The following COLEC12 variants were observed in gnomAD, a reference collection of about 807,000 sequenced individuals.
COLEC12 encodes the protein collectin-12.
A neutral mutation model predicts 71.1 loss-of-function variants in COLEC12; 33 were observed. The observed-to-expected ratio is 0.46, with a 90% confidence interval of 0.35 to 0.62. The LOEUF is 0.62. COLEC12 is among the 20% of genes least tolerant of loss of function. The pLI, the probability that COLEC12 is intolerant of heterozygous loss-of-function variation, is 0.00. For synonymous variants in COLEC12, 350 were observed against 353.0 expected (o/e 0.99, Z 0.10); for missense variants, 765 against 916.1 (o/e 0.84, Z 2.13).
intron 3 of COLEC12, 147 bp downstream of exon 3, chr18:357,253 G>A: frequency 1.4e-6 from 1 of 693,828 alleles, no homozygotes; most frequent in East Asian, 2.9e-5. Context: ...GTAAGTTTAA[G>A]ATACAGAGAT....
At chr18:341,063 A>G (rs1377833424) in intron 5 of COLEC12, among the ~76,000 whole-genome samples, 1 of 152,204 alleles carries the variant, frequency 6.6e-6, no homozygotes, top group Non-Finnish European at 1.5e-5. Context: ...TGCCTGACCC[A>G]CATTGCACTG....
At chr18:413,125 A>G (rs1284643134) in intron 2 of COLEC12, among the ~76,000 whole-genome samples, 1 of 152,240 alleles carries the variant, frequency 6.6e-6, no homozygotes, top group Non-Finnish European at 1.5e-5. Flanking sequence ...CCACACAAAC[A>G]TTAATCAAAG....
intron 2 of COLEC12, among the ~76,000 whole-genome samples, chr18:363,756 C>T (rs1914797436): frequency 6.6e-6 from 1 of 152,182 alleles, no homozygotes. Flanking sequence ...ACCGAAATAA[C>T]TAGCTTTTCC....
intron 2 of COLEC12, among the ~76,000 whole-genome samples, chr18:454,498 A>G (rs941616662): frequency 6.6e-6 from 1 of 152,192 alleles, no homozygotes; most frequent in African/African-American, 2.4e-5. Context: ...CCTGGCCAAC[A>G]TGGTGAAACT....
chr18:396,286 G>A (rs1263167160), intron 2 of COLEC12, among the ~76,000 whole-genome samples: 2 of 152,268 alleles, frequency 1.3e-5, no homozygotes, highest in South Asian at 2.1e-4. Context: ...AAAAGTCCTG[G>A]TCACAAAACA....
In COLEC12 at chr18:316,808, G is replaced by A. The variant is rs1314410047; in HGVS notation, c.*3237C>T. On this transcript the variant is annotated 3_prime_UTR_variant, in exon 10 of 10. Transcript: ENST00000400256. Reference sequence around the variant, plus strand: ...TTCATTCTTTCAAAAGCTGTTTAGAGGAAAAAACATTTTCTATCTTCTCAT... The same window carrying A: ...TTCATTCTTTCAAAAGCTGTTTAGAAGAAAAAACATTTTCTATCTTCTCAT... 6.6e-6 allele frequency: 1 copy of A among 151,966 alleles called. No individual in the cohort carries two copies. Among genetic ancestry groups the A allele is most frequent in the Non-Finnish European group, 1.5e-5 (1 of 67,980 alleles). The allele number at this position is 151,966 out of a possible 1,614,324, so 9.4% of individuals were successfully genotyped here.
chr18:438,065 T>C (rs1916441867), intron 2 of COLEC12, among the ~76,000 whole-genome samples: 1 of 152,156 alleles, frequency 6.6e-6, no homozygotes, highest in Admixed American at 6.5e-5. Flanking sequence ...TAAAAAATTA[T>C]AAAAGGAGTA....
chr18:389,807 C>A (rs73944704), intron 2 of COLEC12, among the ~76,000 whole-genome samples: 2,122 of 152,212 alleles, frequency 0.014, 50 homozygotes, highest in African/African-American at 0.048. Context: ...CTCAAGCCTG[C>A]AGAACTCAGA....
chr18:456,034 C>T (rs150983669), intron 2 of COLEC12, among the ~76,000 whole-genome samples: 1,546 of 152,262 alleles, frequency 0.01, 21 homozygotes, highest in Non-Finnish European at 0.015. Context: ...AATCAGACCA[C>T]GTCAGCCCTC....
intron 8 of COLEC12, among the ~76,000 whole-genome samples, chr18:323,105 G>A (rs774661180): frequency 5.9e-5 from 9 of 152,112 alleles, no homozygotes; most frequent in African/African-American, 7.2e-5. Context: ...GGCACCTGTA[G>A]TCCCAGCTAC....
At chr18:493,359 G>T (rs1211145877) in intron 1 of COLEC12, among the ~76,000 whole-genome samples, 1 of 152,162 alleles carries the variant, frequency 6.6e-6, no homozygotes, top group Non-Finnish European at 1.5e-5. Flanking sequence ...GAGTCATCAG[G>T]CTCAGCCCTC....
At chr18:455,451 G>C (rs1028745019) in intron 2 of COLEC12, among the ~76,000 whole-genome samples, 1 of 151,796 alleles carries the variant, frequency 6.6e-6, no homozygotes, top group African/African-American at 2.4e-5. Flanking sequence ...CTAATTTTTT[G>C]TATTTTTTAG....
At chr18:464,750 C>T (rs1161890078) in intron 2 of COLEC12, among the ~76,000 whole-genome samples, 1 of 152,242 alleles carries the variant, frequency 6.6e-6, no homozygotes, top group African/African-American at 2.4e-5. Flanking sequence ...GGCCAGAATA[C>T]AACAGGTACA....
At chr18:332,282 T>G (rs1215962676) in intron 7 of COLEC12, among the ~76,000 whole-genome samples, 1 of 152,216 alleles carries the variant, frequency 6.6e-6, no homozygotes. Context: ...GTCTGCCGTG[T>G]GCTCATTCCA....
chr18:394,314 T>C (rs1354020067), intron 2 of COLEC12, among the ~76,000 whole-genome samples: 1 of 152,188 alleles, frequency 6.6e-6, no homozygotes, highest in Non-Finnish European at 1.5e-5. Flanking sequence ...GCTGAGGAAA[T>C]TTAAGATCAG....
intron 2 of COLEC12, among the ~76,000 whole-genome samples, chr18:365,760 G>A (rs1350364815): frequency 5.3e-5 from 8 of 151,482 alleles, no homozygotes; most frequent in African/African-American, 1.9e-4. Context: ...CCTTGACCCT[G>A]TGGTTCAGGA....
At chr18:353,839 C>T (rs911218092) in intron 3 of COLEC12, among the ~76,000 whole-genome samples, 6 of 152,204 alleles carry the variant, frequency 3.9e-5, no homozygotes, top group African/African-American at 1.4e-4. Flanking sequence ...GGTTTCCTTA[C>T]AGAAATACAG....
At chr18:325,656 T>TTTTTTTTTTTTTA (rs1913824305) in intron 8 of COLEC12, among the ~76,000 whole-genome samples, 1 of 89,970 alleles carries the variant, frequency 1.1e-5, no homozygotes, top group African/African-American at 3.8e-5. Context: ...TTTTTTTTTT[T>TTTTTTTTTTTTTA]GAGACAGAGT....
At chr18:364,629 C>A (rs928931659) in intron 2 of COLEC12, among the ~76,000 whole-genome samples, 1 of 152,176 alleles carries the variant, frequency 6.6e-6, no homozygotes, top group African/African-American at 2.4e-5. Flanking sequence ...CATGAAAATG[C>A]AGCTCTAGCT....
Sources: allele counts gnomAD v4.1 joint callset (sites outside exome capture counted in the v4.1 genomes callset), GRCh38; gene constraint gnomAD v4.1.1; transcripts MANE v1.5; gene names NCBI Gene and HGNC (gene_info 2026-07-23, HGNC 2026-07-21).